MTA3: variants seen among roughly 807,000 people sequenced by gnomAD.
MTA3 encodes metastasis associated 1 family member 3.
MTA3 carries 34 observed loss-of-function variants against 83.5 expected under a neutral mutation model. That is an observed-to-expected ratio of 0.41 (90% CI 0.31 to 0.54). The LOEUF (loss-of-function observed/expected upper bound fraction) is 0.54. Among genes scored for constraint, MTA3 ranks in the 20% least tolerant of loss-of-function variants. The pLI is 0.33. For missense variants in MTA3, 761 were observed against 726.4 expected, an observed-to-expected ratio of 1.05 and a Z score of -0.55; for synonymous variants, 303 against 252.7, an observed-to-expected ratio of 1.20 and a Z score of -1.89.
At chr2:42,734,158 TC>T (rs1357951733) in intron 16 of MTA3, among the ~76,000 whole-genome samples, 2 of 33,312 alleles carry the variant, frequency 6.0e-5, no homozygotes, top group African/African-American at 3.7e-4. Flanking sequence ...TTTTGTGGTC[TC>T]TCTCTCTCTC....
intron 2 of MTA3, among the ~76,000 whole-genome samples, chr2:42,498,288 T>C (rs894504984): frequency 6.6e-6 from 1 of 152,216 alleles, no homozygotes; most frequent in Non-Finnish European, 1.5e-5. Context: ...TTTTAAAATA[T>C]AAAAGGCTAA....
At chr2:42,521,726 G>C (rs1223940304) in intron 2 of MTA3, among the ~76,000 whole-genome samples, 1 of 147,010 alleles carries the variant, frequency 6.8e-6, no homozygotes, top group Non-Finnish European at 1.5e-5. Context: ...ATAGTGTCCA[G>C]ATAACTGCCC....
At chr2:42,661,714 C>A (rs1558555680) in intron 8 of MTA3, among the ~76,000 whole-genome samples, 1 of 151,950 alleles carries the variant, frequency 6.6e-6, no homozygotes, top group African/African-American at 2.4e-5. Context: ...AATGTTCTTA[C>A]TGTTTTGTTT....
intron 9 of MTA3, among the ~76,000 whole-genome samples, chr2:42,693,281 C>T (rs1373735108): frequency 6.6e-6 from 1 of 152,180 alleles, no homozygotes; most frequent in Non-Finnish European, 1.5e-5. Context: ...GCTCCACAAT[C>T]AGCAGGTGGC....
chr2:42,602,091 T>C (rs1682647333), intron 3 of MTA3, among the ~76,000 whole-genome samples: 1 of 152,238 alleles, frequency 6.6e-6, no homozygotes, highest in African/African-American at 2.4e-5. Context: ...TCCACCCATC[T>C]TGGCCCCCCA....
At chr2:42,752,286 G>A (rs1291815476) in intron 16 of MTA3, 1 of 471,220 alleles carries the variant, frequency 2.1e-6, no homozygotes, top group South Asian at 1.5e-5. Flanking sequence ...GCCCTTCCTT[G>A]GCATGCTCTG....
intron 2 of MTA3, among the ~76,000 whole-genome samples, chr2:42,561,855 GT>G (rs1398424845): frequency 7.2e-5 from 11 of 152,250 alleles, no homozygotes; most frequent in African/African-American, 2.2e-4. Context: ...GTGACTCTAT[GT>G]TTACTTAAAA....
At chr2:42,711,974 G>A (rs534643053) in intron 14 of MTA3, among the ~76,000 whole-genome samples, 1 of 152,220 alleles carries the variant, frequency 6.6e-6, no homozygotes, top group South Asian at 2.1e-4. Flanking sequence ...TCTAATTAAT[G>A]CATTTTAGAA....
chr2:42,616,342 C>G (rs973187544), intron 4 of MTA3, among the ~76,000 whole-genome samples: 1 of 151,610 alleles, frequency 6.6e-6, no homozygotes, highest in African/African-American at 2.4e-5. Context: ...GGATTACAGG[C>G]GTGAGCCATT....
At chr2:42,704,103 A>G in intron 11 of MTA3, 91 bp from the exon 12 acceptor site, 1 of 1,372,858 alleles carries the variant, frequency 7.3e-7, no homozygotes, top group Non-Finnish European at 9.9e-7. Flanking sequence ...GTTTATGTTT[A>G]TTAAATAGTG....
At chr2:42,654,643 T>G (rs1428987385) in intron 6 of MTA3, among the ~76,000 whole-genome samples, 1 of 152,210 alleles carries the variant, frequency 6.6e-6, no homozygotes, top group Non-Finnish European at 1.5e-5. Flanking sequence ...TTTTTTGTTT[T>G]GTTTTGTGAC....
At chr2:42,682,281 TA>T (rs1692004054) in intron 8 of MTA3, 119 bp from the exon 9 acceptor site, 1 of 706,824 alleles carries the variant, frequency 1.4e-6, no homozygotes. Context: ...AAAATTTTGT[TA>T]AAAAATAAAT....
chr2:42,665,265 G>A (rs1047315642), intron 8 of MTA3, among the ~76,000 whole-genome samples: 3 of 152,140 alleles, frequency 2.0e-5, no homozygotes, highest in Admixed American at 6.5e-5. Flanking sequence ...GGTGGCACGT[G>A]CCTGTAGTCC....
chr2:42,662,798 C>G (rs1689850033), intron 8 of MTA3, among the ~76,000 whole-genome samples: 1 of 148,852 alleles, frequency 6.7e-6, no homozygotes, highest in African/African-American at 2.5e-5. Flanking sequence ...GTGGTGCGAT[C>G]TCGGCTCACT....
rs115937575 is a variant in MTA3 at position 42,539,923 on chromosome 2, G to T, written c.-140-30514G>T. 4.4e-3 allele frequency among the ~76,000 whole-genome samples: 669 copies of T among 152,184 alleles called. 5 individuals carry two copies. Among genetic ancestry groups the T allele is most frequent in the African/African-American group, 0.015 (637 of 41,552 alleles). On this transcript the variant is annotated intron_variant, in intron 2 of 17. Coordinates refer to the MTA3 transcript ENST00000405592. Reference sequence around the variant, plus strand: ...ACACTCTAAATTCCTTAAGGAAATGGCCTGTGGTTTCCTGAGAACATATCT... The same window carrying T: ...ACACTCTAAATTCCTTAAGGAAATGTCCTGTGGTTTCCTGAGAACATATCT...
rs1667539724 is a variant in MTA3 at position 42,723,017 on chromosome 2, C to A, written c.1741C>A (p.His581Asn). 1.3e-6 allele frequency: 2 copies of A among 1,550,824 alleles called. No individual in the cohort carries two copies. Among genetic ancestry groups the A allele is most frequent in the Non-Finnish European group, 1.7e-6 (2 of 1,147,028 alleles). The stretch of plus-strand genomic sequence containing the variant: ...CATTCTGGGGAAAAGAAACTACAGT[C>A]ATCACAATGGTCTGGATGGTATGTA... ...LSILGKRNYS[H>N]HNGLDELTCC... The change falls in exon 16 of 17, where the codon CAT becomes AAT. Residue 581 changes from histidine (H) to asparagine (N), a missense_variant. Coordinates refer to ENST00000405094, the MANE Select transcript of MTA3 (RefSeq NM_001330442.2).
At chr2:42,672,938 CT>C (rs1344491774) in intron 8 of MTA3, among the ~76,000 whole-genome samples, 25 of 150,476 alleles carry the variant, frequency 1.7e-4, no homozygotes, top group African/African-American at 5.9e-4. Context: ...CCTCTGCCTC[CT>C]GGGTTCACGC....
At chr2:42,526,743 G>A (rs1442183005) in intron 2 of MTA3, among the ~76,000 whole-genome samples, 1 of 151,990 alleles carries the variant, frequency 6.6e-6, no homozygotes, top group Non-Finnish European at 1.5e-5. Flanking sequence ...TGGATTCAAT[G>A]GGCTAATGAC....
At chr2:42,724,557 T>C (rs1323453057) in intron 16 of MTA3, among the ~76,000 whole-genome samples, 1 of 151,004 alleles carries the variant, frequency 6.6e-6, no homozygotes, top group Non-Finnish European at 1.5e-5. Context: ...GGTGGGAGGA[T>C]CGATTGAGCC....
Sources: gnomAD v4.1 joint callset for allele counts (sites outside exome capture counted in the v4.1 genomes callset) on GRCh38, gnomAD v4.1.1 for gene constraint, MANE v1.5 for transcripts, NCBI Gene and HGNC (gene_info 2026-07-23, HGNC 2026-07-21) for gene names.